The following DDAH1 variants were observed in gnomAD, a reference collection of about 807,000 sequenced individuals.
DDAH1 encodes the protein dimethylarginine dimethylaminohydrolase 1, also known as N(G),N(G)-dimethylarginine dimethylaminohydrolase 1.
DDAH1 carries 19 observed loss-of-function variants against 28.8 expected under a neutral mutation model. The observed-to-expected ratio is 0.66, with a 90% confidence interval of 0.46 to 0.97. The LOEUF is 0.97. Among genes scored for constraint, DDAH1 ranks in the 50% least tolerant of loss-of-function variants. The pLI is 0.00. For synonymous variants in DDAH1, 153 were observed against 154.4 expected, an observed-to-expected ratio of 0.99 and a Z score of 0.07; for missense variants, 326 against 375.9, an observed-to-expected ratio of 0.87 and a Z score of 1.10.
At chr1:85,535,274 A>T (rs1658236780) in intron 1 of DDAH1, among the ~76,000 whole-genome samples, 1 of 150,960 alleles carries the variant, frequency 6.6e-6, no homozygotes, top group Non-Finnish European at 1.5e-5. Flanking sequence ...CAGACATGAA[A>T]ATCTATCGTA....
chr1:85,477,741 G>T (rs1655852592), intron 2 of DDAH1, among the ~76,000 whole-genome samples: 1 of 152,018 alleles, frequency 6.6e-6, no homozygotes, highest in East Asian at 1.9e-4. Context: ...ATGGTAATTT[G>T]TGTTCATACA....
chr1:85,572,747 C>G (rs1369466216), intron 1 of DDAH1, among the ~76,000 whole-genome samples: 1 of 152,216 alleles, frequency 6.6e-6, no homozygotes, highest in African/African-American at 2.4e-5. Flanking sequence ...CACTCCTGAG[C>G]TGGTGCAATC....
At chr1:85,483,554 G>A (rs1319001147) in intron 2 of DDAH1, among the ~76,000 whole-genome samples, 1 of 152,220 alleles carries the variant, frequency 6.6e-6, no homozygotes, top group Admixed American at 6.5e-5. Flanking sequence ...ATAATGTGGT[G>A]AGTATATCTG....
At chr1:85,394,469 T>C (rs1303800785) in intron 1 of DDAH1, among the ~76,000 whole-genome samples, 1 of 152,210 alleles carries the variant, frequency 6.6e-6, no homozygotes, top group African/African-American at 2.4e-5. Context: ...AAGTCTTTGG[T>C]ATTTTGTTAT....
chr1:85,449,468 CAGCAGAATGATG>C (rs1654571576), intron 1 of DDAH1, among the ~76,000 whole-genome samples: 2 of 152,070 alleles, frequency 1.3e-5, no homozygotes, highest in Non-Finnish European at 2.9e-5. Context: ...GTAGGGCCAT[CAGCAGAATGATG>C]AGGCTGACCA....
At chr1:85,493,366 T>C (rs1401527431) in intron 2 of DDAH1, 1 of 152,108 alleles carries the variant, frequency 6.6e-6, no homozygotes. Flanking sequence ...GGAGTGACTT[T>C]CAGCTTAAAA....
At chr1:85,491,139 C>T (rs1038880717) in intron 2 of DDAH1, among the ~76,000 whole-genome samples, 2 of 151,356 alleles carry the variant, frequency 1.3e-5, no homozygotes, top group African/African-American at 4.9e-5. Context: ...TTCTGCCTCC[C>T]AGGCTCAAAT....
chr1:85,576,078 A>C (rs534047475), intron 1 of DDAH1, among the ~76,000 whole-genome samples: 131 of 130,672 alleles, frequency 1.0e-3, no homozygotes, highest in African/African-American at 3.6e-3. Context: ...AAATAAATAA[A>C]ATTTAAAAAA....
Position 85,422,537 on chromosome 1 carries a change from C to T in DDAH1, c.303+42206G>A, listed in dbSNP as rs576971600. Among the ~76,000 whole-genome samples, 5 of 152,228 alleles carry T rather than the reference C, an allele frequency of 3.3e-5. No individual in the cohort carries two copies. The East Asian group carries it at 7.7e-4, about 23-fold the overall frequency. On this transcript the variant is annotated intron_variant, in intron 1 of 5. Transcript: ENST00000284031. ...CAAGAAATTTTAGTTTTGCATTTTA[C>T]GTTTTGGTGTATGATCCATTTTGCA...
chr1:85,505,346 A>G (rs983262890), intron 1 of DDAH1, among the ~76,000 whole-genome samples: 1 of 152,202 alleles, frequency 6.6e-6, no homozygotes, highest in Non-Finnish European at 1.5e-5. Context: ...AAAGAAACAC[A>G]GATAAATGGA....
chr1:85,344,596 C>T (rs1037475368), intron 4 of DDAH1, among the ~76,000 whole-genome samples: 1 of 148,932 alleles, frequency 6.7e-6, no homozygotes, highest in Non-Finnish European at 1.5e-5. Flanking sequence ...TTCCCTCCCT[C>T]CCTTCATCTT....
intron 4 of DDAH1, among the ~76,000 whole-genome samples, chr1:85,339,058 A>AT (rs200357981): frequency 0.014 from 2,101 of 149,454 alleles, 35 homozygotes; most frequent in East Asian, 0.08. Context: ...AAAAAAAAAA[A>AT]AAAAATATAT....
chr1:85,516,011 G>T (rs1452395061), intron 1 of DDAH1, among the ~76,000 whole-genome samples: 13 of 151,972 alleles, frequency 8.6e-5, no homozygotes, highest in Non-Finnish European at 1.9e-4. Context: ...TCCTCATATG[G>T]TCACCCTTTT....
At chr1:85,538,466 T>C (rs1246317903) in intron 1 of DDAH1, among the ~76,000 whole-genome samples, 1 of 152,136 alleles carries the variant, frequency 6.6e-6, no homozygotes, top group Non-Finnish European at 1.5e-5. Context: ...TGGATTGCCC[T>C]AAAAGGGGAA....
intron 1 of DDAH1, among the ~76,000 whole-genome samples, chr1:85,505,087 G>A (rs1288790627): frequency 7.1e-6 from 1 of 140,208 alleles, no homozygotes; most frequent in Non-Finnish European, 1.5e-5. Flanking sequence ...CTGGATTAAA[G>A]CGATTCTCCT....
At chr1:85,512,019 T>C (rs887700586) in intron 1 of DDAH1, among the ~76,000 whole-genome samples, 1 of 152,184 alleles carries the variant, frequency 6.6e-6, no homozygotes, top group African/African-American at 2.4e-5. Context: ...ATCATCCTGA[T>C]ACCAAAGCCT....
intron 4 of DDAH1, among the ~76,000 whole-genome samples, chr1:85,330,523 G>A (rs1272113045): frequency 2.0e-5 from 3 of 152,122 alleles, no homozygotes; most frequent in Non-Finnish European, 4.4e-5. Context: ...AAGCCAGAAT[G>A]GAAAGGAGAC....
intron 1 of DDAH1, among the ~76,000 whole-genome samples, chr1:85,523,108 A>C (rs1297774548): frequency 6.6e-6 from 1 of 151,804 alleles, no homozygotes; most frequent in Admixed American, 6.6e-5. Flanking sequence ...AGATGGTCAG[A>C]GGCCATTTAA....
chr1:85,549,627 T>G (rs1364034853), intron 1 of DDAH1, among the ~76,000 whole-genome samples: 1 of 152,236 alleles, frequency 6.6e-6, no homozygotes. Flanking sequence ...AATATTTATG[T>G]TCTTTGTGCT....
Sources: allele counts gnomAD v4.1 joint callset (sites outside exome capture counted in the v4.1 genomes callset), GRCh38; gene constraint gnomAD v4.1.1; transcripts MANE v1.5; gene names NCBI Gene and HGNC (gene_info 2026-07-23, HGNC 2026-07-21).